MYOM1: variants seen among roughly 807,000 people sequenced by gnomAD.
The protein encoded by MYOM1 is myomesin 1, also known as myomesin-1.
Under a neutral mutation model 205.3 loss-of-function variants are expected in MYOM1, and 164 were observed. The observed-to-expected ratio is 0.80, with a 90% CI of 0.70 to 0.91. MYOM1 has a LOEUF of 0.91. Ranked by LOEUF, MYOM1 falls within the 40% of genes least tolerant of loss-of-function variation. MYOM1 has a pLI of 0.00. For synonymous variants in MYOM1, 772 were observed against 789.4 expected (o/e 0.98, Z 0.37); for missense variants, 2,011 against 2,127.3 (o/e 0.95, Z 1.08).
chr18:3,203,358 A>C (rs1377917286), intron 2 of MYOM1, among the ~76,000 whole-genome samples: 2 of 151,694 alleles, frequency 1.3e-5, no homozygotes. Context: ...GGTTCTTTGA[A>C]AAGATCATGA....
intron 2 of MYOM1, among the ~76,000 whole-genome samples, chr18:3,210,122 T>A (rs1423784156): frequency 6.6e-6 from 1 of 152,222 alleles, no homozygotes; most frequent in Non-Finnish European, 1.5e-5. Flanking sequence ...GAAAATGACA[T>A]GAATCTACAG....
chr18:3,180,067 C>T (rs995759671), intron 5 of MYOM1, among the ~76,000 whole-genome samples: 3 of 152,136 alleles, frequency 2.0e-5, no homozygotes, highest in Non-Finnish European at 4.4e-5. Flanking sequence ...GAGGCTGAAG[C>T]AGGAGGATCG....
At chr18:3,214,839 C>G in intron 2 of MYOM1, 95 bp downstream of exon 2, 1 of 1,404,690 alleles carries the variant, frequency 7.1e-7, no homozygotes, top group Non-Finnish European at 9.4e-7. Flanking sequence ...AAAACCAAAA[C>G]CGAACCGAAA....
At chr18:3,094,975 T>A (rs2079281561) in intron 25 of MYOM1, among the ~76,000 whole-genome samples, 1 of 152,176 alleles carries the variant, frequency 6.6e-6, no homozygotes, top group Non-Finnish European at 1.5e-5. Flanking sequence ...TGCTGTATTT[T>A]AAATTAGAAG....
At position 3,135,186 on chromosome 18, in the gene MYOM1, G is replaced by GTCTCAAACTCC; in HGVS notation, c.2209+360_2209+361insGGAGTTTGAGA. 3.5e-6 allele frequency: 1 copy of GTCTCAAACTCC among 285,004 alleles called. No individual in the cohort carries two copies. The highest frequency in any genetic ancestry group is 6.7e-6 in the Non-Finnish European group (1 of 149,488). 17.7% of individuals were successfully genotyped at this position (285,004 alleles called of 1,614,324 possible). A position where few individuals can be genotyped will look rare whatever the true frequency, so the allele number is the denominator to read the frequency against. On this transcript the variant is annotated intron_variant, in intron 15 of 37. Transcript: ENST00000356443. This position sits in a 1 kb window ranked among gnomAD's most constrained non-coding sequence, Gnocchi z 4.1. ...GCTGGTCTCAAACTCTTGGACTCAG[G>GTCTCAAACTCC]TGATCTGCCTGCCTCGGCCTCCCAA...
chr18:3,121,390 C>T (rs1178484179), intron 19 of MYOM1, among the ~76,000 whole-genome samples: 1 of 151,958 alleles, frequency 6.6e-6, no homozygotes, highest in Non-Finnish European at 1.5e-5. Flanking sequence ...AAAAGCTGTC[C>T]AAGAAAAAAG....
At chr18:3,111,054 C>T (rs372386416) in intron 22 of MYOM1, among the ~76,000 whole-genome samples, 31 of 1,816 alleles carry the variant, frequency 0.017, no homozygotes, top group African/African-American at 0.059. Context: ...TGGGTTCACG[C>T]GATTTTCCTG....
chr18:3,133,461 C>T (rs553082259), intron 16 of MYOM1, among the ~76,000 whole-genome samples: 2 of 152,278 alleles, frequency 1.3e-5, no homozygotes, highest in African/African-American at 2.4e-5. Flanking sequence ...GAAACCAACC[C>T]TCTCCCCATT....
At chr18:3,195,656 A>C (rs990687172) in intron 2 of MYOM1, among the ~76,000 whole-genome samples, 1 of 152,062 alleles carries the variant, frequency 6.6e-6, no homozygotes, top group African/African-American at 2.4e-5. Flanking sequence ...GGCCACAGTC[A>C]TAGTCTCATG....
Position 3,067,333 on chromosome 18 carries a change from C to T in MYOM1, c.4987G>A (p.Val1663Met), listed in dbSNP as rs751200138. The change falls in exon 38 of 38, where the codon GTG becomes ATG. Residue 1663 changes from valine to methionine, a missense_variant. Transcript: ENST00000356443. Reference sequence around the variant, plus strand: ...CTCGCCTCCTCCTCTGGGATGAACACGCTGACGGTGAAGTCGCTGGTCTCC... The same window carrying T: ...CTCGCCTCCTCCTCTGGGATGAACATGCTGACGGTGAAGTCGCTGGTCTCC... The part of the protein sequence containing the change: ...GSETSDFTVS[V>M]FIPEEEARMA... 7.4e-6 allele frequency: 12 copies of T among 1,611,966 alleles called. No individual in the cohort carries two copies. The highest frequency in any genetic ancestry group is 2.2e-4 in the Middle Eastern group (1 of 4,620).
intron 5 of MYOM1, 32 bp downstream of exon 5, chr18:3,187,448 G>C: frequency 6.2e-7 from 1 of 1,602,886 alleles, no homozygotes; most frequent in Admixed American, 1.7e-5. Flanking sequence ...TTGGTGTAAT[G>C]AATTCTGTTA....
chr18:3,085,592 G>C (rs1157676738), intron 30 of MYOM1, among the ~76,000 whole-genome samples: 1 of 151,986 alleles, frequency 6.6e-6, no homozygotes, highest in Non-Finnish European at 1.5e-5. Flanking sequence ...ATTGATATGA[G>C]GCTTAATGTC....
Position 3,187,586 on chromosome 18 carries a change from G to A in MYOM1, c.823C>T (p.His275Tyr). 1 of 1,613,390 alleles carries A rather than the reference G, an allele frequency of 6.2e-7. No homozygotes were observed. The highest frequency in any genetic ancestry group is 8.5e-7 in the Non-Finnish European group (1 of 1,179,480). The change falls in exon 5 of 38, where the codon CAT becomes TAT. Residue 275 changes from histidine to tyrosine, a missense_variant. By Grantham distance (83) the His-to-Tyr change is moderately conservative (BLOSUM62 2). Transcript: ENST00000356443. ...GGTTTAATGATAAACTCAGGAGCAT[G>A]GAGAAGATGGTCTTCATTCAGCTTG... Reference protein sequence around the residue: ...HAKLNEDHLLHAPEFIIKPRS... With the variant: ...HAKLNEDHLLYAPEFIIKPRS...
chr18:3,148,173 G>A (rs2080157407), intron 13 of MYOM1, among the ~76,000 whole-genome samples: 1 of 152,122 alleles, frequency 6.6e-6, no homozygotes, highest in Non-Finnish European at 1.5e-5. Context: ...GAAAACAGCT[G>A]GCAGTTCCTT....
the MYOM1 span, among the ~76,000 whole-genome samples, chr18:3,239,332 G>A: frequency 2.0e-5 from 3 of 152,214 alleles, no homozygotes; most frequent in South Asian, 6.2e-4. Context: ...GTGGGTAAAT[G>A]TGGTGGGGGC....
rs7229433 is a variant in MYOM1, at chr18:3,094,289, C to A, written c.3745G>T (p.Glu1249Ter). Residue 1249 changes from glutamate to a stop codon, truncating the protein, a stop_gained, in exon 26 of 38, where the codon GAG (glutamate) becomes TAG (stop). Coordinates refer to ENST00000356443, the MANE Select transcript of MYOM1 (RefSeq NM_003803.4). LOFTEE classifies it high-confidence loss of function. ...TTCTCCAAAATTTCAACTGCCAACT[C>A]TGATTTAACTGGGACAGCTATGAAA... ...HKFPTVPVKS[E>*]LAVEILEKGQ... The A allele has an allele frequency of 6.2e-7, 1 of 1,612,398 alleles. No homozygotes were observed. The highest frequency in any genetic ancestry group is 1.3e-5 in the African/African-American group (1 of 74,596).
chr18:3,185,087 G>T (rs146761510), intron 5 of MYOM1, among the ~76,000 whole-genome samples: 1 of 152,140 alleles, frequency 6.6e-6, no homozygotes, highest in Non-Finnish European at 1.5e-5. Flanking sequence ...CTATTTTTCC[G>T]GAGAGTTTCC....
chr18:3,224,831 T>G (rs1389918407), upstream of MYOM1, among the ~76,000 whole-genome samples: 1 of 151,982 alleles, frequency 6.6e-6, no homozygotes, highest in African/African-American at 2.4e-5. Context: ...GCCCGGCTAA[T>G]TTTTTGTGTG....
At chr18:3,121,521 A>G (rs927851320) in intron 19 of MYOM1, among the ~76,000 whole-genome samples, 14 of 152,220 alleles carry the variant, frequency 9.2e-5, no homozygotes, top group African/African-American at 3.4e-4. Flanking sequence ...AATGGTAAAT[A>G]TATTGGTAAG....
Sources: gnomAD v4.1 joint callset for allele counts (sites outside exome capture counted in the v4.1 genomes callset) on GRCh38, gnomAD v4.1.1 for gene constraint, Gnocchi (gnomAD v3.1) non-coding constraint, MANE v1.5 for transcripts, NCBI Gene and HGNC (gene_info 2026-07-23, HGNC 2026-07-21) for gene names.